Variants in COL27A1 observed in about 807,000 individuals in gnomAD.
The protein encoded by COL27A1 is collagen alpha-1(XXVII) chain.
A neutral mutation model predicts 251.3 loss-of-function variants in COL27A1; 106 were observed. The ratio of observed to expected loss-of-function variants is 0.42; its 90% CI spans 0.36 to 0.50. COL27A1 has a LOEUF of 0.50. Ranked by LOEUF, COL27A1 falls within the 20% of genes least tolerant of loss-of-function variation. The pLI, the probability that COL27A1 is intolerant of heterozygous loss-of-function variation, is 0.00. For synonymous variants in COL27A1, 1,000 were observed against 986.3 expected, an observed-to-expected ratio of 1.01 and a Z score of -0.26; for missense variants, 2,325 against 2,522.8, an observed-to-expected ratio of 0.92 and a Z score of 1.68.
chr9:114,235,529 G>A, intron 16 of COL27A1, 70 bp from the exon 17 acceptor site: 3 of 1,163,022 alleles, frequency 2.6e-6, no homozygotes, highest in Admixed American at 3.4e-5. Flanking sequence ...CCTCGCCAGG[G>A]GGTCTGTGGG....
At chr9:114,208,971 T>A (rs1292314285) in intron 10 of COL27A1, among the ~76,000 whole-genome samples, 2 of 152,032 alleles carry the variant, frequency 1.3e-5, no homozygotes, top group African/African-American at 4.8e-5. Flanking sequence ...CCCAGAATGG[T>A]GACGAGCCCC....
intron 11 of COL27A1, among the ~76,000 whole-genome samples, chr9:114,210,779 G>T (rs369442380): frequency 6.6e-6 from 1 of 152,240 alleles, no homozygotes; most frequent in East Asian, 1.9e-4. Context: ...ACAGGAACTG[G>T]CATTTCTCTG....
chr9:114,269,213 G>A (rs374371442), intron 34 of COL27A1, 28 bp from the exon 35 acceptor site: 65 of 1,563,906 alleles, frequency 4.2e-5, no homozygotes, highest in Non-Finnish European at 5.1e-5. Context: ...CTACCCACCC[G>A]CAAGGACTTT....
In COL27A1 at chr9:114,312,406, C is replaced by T. The variant is rs944123083; in HGVS notation, c.*1711C>T. 1.3e-5 allele frequency: 2 copies of T among 152,186 alleles called. No homozygotes were observed. Among genetic ancestry groups the T allele is most frequent in the Non-Finnish European group, 2.9e-5 (2 of 68,056 alleles). 9.4% of individuals were successfully genotyped at this position (152,186 alleles called of 1,614,324 possible). A position where few individuals can be genotyped will look rare whatever the true frequency, so the allele number is the denominator to read the frequency against. ...CATTCTTGGGTTTTCCTGCTGTCTT[C>T]GTTTACGTCTCTGTCCACATGTCAG... is the stretch of plus-strand genomic sequence containing the variant. On this transcript the variant is annotated 3_prime_UTR_variant, in exon 61 of 61. Coordinates refer to ENST00000356083, the MANE Select transcript of COL27A1 (RefSeq NM_032888.4).
intron 58 of COL27A1, 74 bp downstream of exon 58, chr9:114,306,762 G>A (rs1456083526): frequency 1.4e-5 from 22 of 1,536,874 alleles, no homozygotes; most frequent in Admixed American, 2.0e-5. Flanking sequence ...TTTGATTTCC[G>A]CCGCATTTTG....
At chr9:114,163,906 T>C (rs1341108654) in intron 2 of COL27A1, among the ~76,000 whole-genome samples, 7 of 152,096 alleles carry the variant, frequency 4.6e-5, no homozygotes, top group Admixed American at 4.6e-4. Context: ...GTTTATGTAA[T>C]GAAGGGATCT....
chr9:114,227,048 C>T (rs945211293), intron 14 of COL27A1, among the ~76,000 whole-genome samples: 1 of 152,130 alleles, frequency 6.6e-6, no homozygotes, highest in Non-Finnish European at 1.5e-5. Flanking sequence ...CATGGCACTC[C>T]GGGTATAGGA....
chr9:114,246,098 T>C (rs1295244830), intron 24 of COL27A1, 188 bp downstream of exon 24: 3 of 541,486 alleles, frequency 5.5e-6, no homozygotes, highest in African/African-American at 2.0e-5. Flanking sequence ...AGTCTGTAAA[T>C]GAGAAAGCTG....
chr9:114,213,310 C>T (rs1213716440), intron 12 of COL27A1, among the ~76,000 whole-genome samples: 2 of 152,164 alleles, frequency 1.3e-5, no homozygotes, highest in Admixed American at 1.3e-4. Context: ...GCATCCTCCT[C>T]ATCTCCCCTC....
In COL27A1 at chr9:114,169,145, C is replaced by T. The variant is rs761709639; in HGVS notation, c.1590C>T (p.Pro530=). Residue 530 remains proline, a synonymous_variant, in exon 3 of 61, where the codon CCC becomes CCT. Coordinates refer to ENST00000356083, the MANE Select transcript of COL27A1 (RefSeq NM_032888.4). ...CCGTCCCCACTCCTGGCTCAGCTCC[C>T]ACTGGAAGCAAGAAGCCCATTGGAT... is the stretch of plus-strand genomic sequence containing the variant. ...APAVPTPGSA[P]TGSKKPIGSE... 1.2e-6 allele frequency: 2 copies of T among 1,614,174 alleles called. No homozygotes were observed. Among genetic ancestry groups the T allele is most frequent in the South Asian group, 1.1e-5 (1 of 91,080 alleles).
chr9:114,207,407 C>T lies in COL27A1; in HGVS notation c.2268+1111C>T, dbSNP rs184120979. Among the ~76,000 whole-genome samples the T allele has an allele frequency of 6.8e-4, 103 of 152,282 alleles. 1 individual carries two copies. The highest frequency in any genetic ancestry group is 2.5e-3 in the African/African-American group (102 of 41,548). The stretch of plus-strand genomic sequence containing the variant: ...GCCTCTCTTCCTTTATTCTGCTGCT[C>T]CCATGGGCCATTCCCCCAGAGGGAC... On this transcript the variant is annotated intron_variant, in intron 10 of 60. Coordinates refer to ENST00000356083, the MANE Select transcript of COL27A1 (RefSeq NM_032888.4).
At chr9:114,205,881 C>A in intron 9 of COL27A1, 69 bp downstream of exon 9, 1 of 1,432,506 alleles carries the variant, frequency 7.0e-7, no homozygotes, top group African/African-American at 1.4e-5. Flanking sequence ...TGCCCCGAGG[C>A]AGAGGGAGGT....
chr9:114,226,665 C>T (rs963332096), intron 14 of COL27A1, among the ~76,000 whole-genome samples: 8 of 152,216 alleles, frequency 5.3e-5, no homozygotes, highest in Admixed American at 4.6e-4. Context: ...GTCCCTGTCC[C>T]GAACCCGCCT....
intron 14 of COL27A1, among the ~76,000 whole-genome samples, chr9:114,230,695 T>G (rs945968644): frequency 4.6e-5 from 7 of 152,178 alleles, no homozygotes; most frequent in Admixed American, 2.6e-4. Flanking sequence ...CTTCCATTTA[T>G]GCTGAATTTA....
At chr9:114,278,764 C>T (rs558532251) in intron 37 of COL27A1, among the ~76,000 whole-genome samples, 22 of 151,956 alleles carry the variant, frequency 1.4e-4, no homozygotes, top group Admixed American at 2.0e-4. Flanking sequence ...TTGGGCCAGA[C>T]GAAGTGTGTG....
At chr9:114,309,540 G>A (rs1381769752) in intron 60 of COL27A1, 62 bp downstream of exon 60, 4 of 1,265,520 alleles carry the variant, frequency 3.2e-6, no homozygotes, top group East Asian at 2.5e-5. Flanking sequence ...CACTTGTTTG[G>A]AAAAATGTGT....
chr9:114,284,806 G>T (rs1171302756), intron 41 of COL27A1, 29 bp downstream of exon 41: 1 of 1,613,008 alleles, frequency 6.2e-7, no homozygotes, highest in Non-Finnish European at 8.5e-7. Context: ...GAAAGCAGCT[G>T]CACCCTCGTG....
At position 114,184,648 on chromosome 9, in the gene COL27A1, C is replaced by A. The variant is rs779806996; in HGVS notation, c.2016+1573C>A. Among the ~76,000 whole-genome samples, 5 of 152,296 alleles carry A rather than the reference C, an allele frequency of 3.3e-5. No homozygotes were observed. In the East Asian group the frequency reaches 5.8e-4, roughly 18 times the overall value. ...TGATAATAACAGCCATATACTGAAC[C>A]CTTCCTGTGTGCCAGGCACTGTTCA... On this transcript the variant is annotated intron_variant, in intron 5 of 60. Coordinates refer to ENST00000356083, the MANE Select transcript of COL27A1 (RefSeq NM_032888.4).
At chr9:114,162,659 C>A in intron 1 of COL27A1, 56 bp from the exon 2 acceptor site, 2 of 1,310,068 alleles carry the variant, frequency 1.5e-6, no homozygotes, top group East Asian at 2.3e-5. Context: ...CCAGCCGGAT[C>A]CGGGTGTGAG....
Sources: allele counts gnomAD v4.1 joint callset (sites outside exome capture counted in the v4.1 genomes callset), GRCh38; gene constraint gnomAD v4.1.1; transcripts MANE v1.5; gene names NCBI Gene and HGNC (gene_info 2026-07-23, HGNC 2026-07-21).